Variants in COL4A2 observed in about 807,000 individuals in gnomAD.
The protein encoded by COL4A2 is collagen alpha-2(IV) chain.
COL4A2 carries 99 observed loss-of-function variants against 200.2 expected under a neutral mutation model. The ratio of observed to expected loss-of-function variants is 0.49; its 90% confidence interval spans 0.42 to 0.58. The LOEUF is 0.58. Ranked by LOEUF, COL4A2 falls within the 20% of genes least tolerant of loss-of-function variation. The pLI, the probability that COL4A2 is intolerant of heterozygous loss-of-function variation, is 0.00. For synonymous variants in COL4A2, 897 were observed against 900.6 expected (o/e 1.00, Z 0.07); for missense variants, 1,950 against 2,314.1 (o/e 0.84, Z 3.23).
At chr13:110,379,894 C>T (rs1022642256) in intron 4 of COL4A2, among the ~76,000 whole-genome samples, 9 of 152,092 alleles carry the variant, frequency 5.9e-5, no homozygotes, top group East Asian at 3.9e-4. Context: ...CAACCCGCTC[C>T]GCCTTGGAAA....
Position 110,450,331 on chromosome 13 carries a change from AT to A in COL4A2, c.1217del (p.Met406ArgfsTer47). ...TCAGAGGAGAGGCCTGCCGGGTGAG[AT>A]GGGACCCAAGGGCTTCATCGGAGAC... ...GDQRRGLPGE[M>X]GPKGFIGDPG... On this transcript the variant is annotated frameshift_variant, in exon 20 of 48. Coordinates refer to ENST00000360467, the MANE Select transcript of COL4A2 (RefSeq NM_001846.4). LOFTEE classifies it high-confidence loss of function. The A allele has an allele frequency of 1.9e-6, 3 of 1,613,780 alleles. No homozygotes were observed. The highest frequency in any genetic ancestry group is 2.5e-6 in the Non-Finnish European group (3 of 1,179,812).
At chr13:110,437,621 GC>G (rs1245768827) in intron 13 of COL4A2, among the ~76,000 whole-genome samples, 2 of 152,142 alleles carry the variant, frequency 1.3e-5, no homozygotes, top group Non-Finnish European at 2.9e-5. Context: ...TTCTCAGAGG[GC>G]CTCCTAGTAA....
intron 4 of COL4A2, among the ~76,000 whole-genome samples, chr13:110,382,964 A>G (rs116684356): frequency 6.6e-6 from 1 of 152,210 alleles, no homozygotes; most frequent in African/African-American, 2.4e-5. Flanking sequence ...TGGCCATTTC[A>G]TTATGAGTTA....
At chr13:110,385,954 T>TTA (rs2139416939) in intron 4 of COL4A2, among the ~76,000 whole-genome samples, 1 of 100,486 alleles carries the variant, frequency 1.0e-5, no homozygotes, top group African/African-American at 4.0e-5. Context: ...TGGGCCGTGG[T>TTA]CACAGCGTGT....
At chr13:110,390,471 A>C (rs1304010543) in intron 4 of COL4A2, among the ~76,000 whole-genome samples, 1 of 152,168 alleles carries the variant, frequency 6.6e-6, no homozygotes, top group Non-Finnish European at 1.5e-5. Flanking sequence ...TGGGACCCCG[A>C]GTGGTGATGT....
chr13:110,401,450 C>T (rs1273866207), intron 4 of COL4A2, among the ~76,000 whole-genome samples: 2 of 152,184 alleles, frequency 1.3e-5, no homozygotes, highest in Non-Finnish European at 2.9e-5. Context: ...GACAATGGAG[C>T]TCTGTTTATA....
In COL4A2 at chr13:110,511,919, C is replaced by T. The variant is rs114427900; in HGVS notation, c.4882-15C>T. 8.1e-4 allele frequency: 1,308 copies of T among 1,613,270 alleles called. 12 individuals are homozygous for T. The African/African-American group carries it at 0.015, about 18-fold the overall frequency. On this transcript the variant is annotated splice_polypyrimidine_tract_variant and intron_variant, in intron 47 of 47. Transcript: ENST00000360467. Reference sequence around the variant, plus strand: ...CTGTGATTCCTAACCCTGTCCTGCCCCCCTCTCTGTGCAGCACACGGCGGC... The same window carrying T: ...CTGTGATTCCTAACCCTGTCCTGCCTCCCTCTCTGTGCAGCACACGGCGGC...
intron 45 of COL4A2, among the ~76,000 whole-genome samples, chr13:110,505,267 C>A (rs1404564101): frequency 6.6e-6 from 1 of 151,962 alleles, no homozygotes; most frequent in South Asian, 2.1e-4. Flanking sequence ...GGAGAATGGC[C>A]TCAACCCAGG....
intron 13 of COL4A2, among the ~76,000 whole-genome samples, chr13:110,437,410 G>C (rs533641331): frequency 6.6e-6 from 1 of 152,196 alleles, no homozygotes; most frequent in Non-Finnish European, 1.5e-5. Context: ...TGGCCAACCC[G>C]CAGGGGCAGT....
chr13:110,471,490 T>C (rs1000248198), intron 28 of COL4A2, among the ~76,000 whole-genome samples: 14 of 152,130 alleles, frequency 9.2e-5, no homozygotes, highest in Admixed American at 7.2e-4. Flanking sequence ...AATTCAAGGA[T>C]TGCAAAAATC....
chr13:110,319,125 G>A (rs1313992620), intron 3 of COL4A2, among the ~76,000 whole-genome samples: 1 of 151,958 alleles, frequency 6.6e-6, no homozygotes, highest in Non-Finnish European at 1.5e-5. Flanking sequence ...GGGGCCTGTG[G>A]GGGGAGGTTT....
chr13:110,383,810 G>A (rs1040427811), intron 4 of COL4A2, among the ~76,000 whole-genome samples: 1 of 151,966 alleles, frequency 6.6e-6, no homozygotes, highest in Non-Finnish European at 1.5e-5. Context: ...ATGAGTTTCA[G>A]CCTGTTGGCT....
intron 3 of COL4A2, among the ~76,000 whole-genome samples, chr13:110,341,431 T>G (rs1420744720): frequency 6.6e-6 from 1 of 152,206 alleles, no homozygotes; most frequent in East Asian, 1.9e-4. Context: ...TGTTAAGGAT[T>G]TACTGTTCAG....
intron 38 of COL4A2, 73 bp downstream of exon 38, chr13:110,492,250 C>A: frequency 7.4e-7 from 1 of 1,348,890 alleles, no homozygotes; most frequent in Non-Finnish European, 1.0e-6. Context: ...GCTGAGCAGG[C>A]CAGCCTCTCT....
intron 39 of COL4A2, among the ~76,000 whole-genome samples, chr13:110,494,857 G>T (rs1235482950): frequency 6.6e-6 from 1 of 152,190 alleles, no homozygotes; most frequent in Non-Finnish European, 1.5e-5. Context: ...GTAAATTCAC[G>T]CACTCCTGCG....
intron 15 of COL4A2, 40 bp from the exon 16 acceptor site, chr13:110,439,749 A>G (rs1594214743): frequency 6.2e-7 from 1 of 1,613,562 alleles, no homozygotes; most frequent in African/African-American, 1.3e-5. Context: ...TGTCTACTGC[A>G]TATTCTGAGC....
chr13:110,494,775 C>T (rs1339006960), intron 39 of COL4A2, among the ~76,000 whole-genome samples: 1 of 152,064 alleles, frequency 6.6e-6, no homozygotes, highest in African/African-American at 2.4e-5. Context: ...TTAGAATGTG[C>T]TGTTTGTAGA....
chr13:110,437,988 C>T lies in COL4A2; in HGVS notation c.826-14C>T. 6.2e-7 allele frequency: 1 copy of T among 1,609,624 alleles called. No homozygotes were observed. Among genetic ancestry groups the T allele is most frequent in the Non-Finnish European group, 8.5e-7 (1 of 1,176,454 alleles). On this transcript the variant is annotated splice_polypyrimidine_tract_variant and intron_variant, in intron 13 of 47. Transcript: ENST00000360467. ...AAATTAATAAGCGTTTCTTATTTTT[C>T]ATATTCTTCACAGGGTGAAAAAGGC...
chr13:110,494,875 C>T (rs1883403211), intron 39 of COL4A2, among the ~76,000 whole-genome samples: 1 of 152,260 alleles, frequency 6.6e-6, no homozygotes, highest in Admixed American at 6.5e-5. Context: ...GCGTCATTAA[C>T]ACTCCATTAC....
Sources: allele counts gnomAD v4.1 joint callset (sites outside exome capture counted in the v4.1 genomes callset), GRCh38; gene constraint gnomAD v4.1.1; transcripts MANE v1.5; gene names NCBI Gene and HGNC (gene_info 2026-07-23, HGNC 2026-07-21).